RLIG1: variants seen among roughly 807,000 people sequenced by gnomAD.
RLIG1 encodes RNA 5'-phosphate and 3'-OH ligase 1.
chr12:88,049,468 G>A, the RLIG1 span: 24 of 909,550 alleles, frequency 2.6e-5, no homozygotes, highest in South Asian at 9.6e-5. Flanking sequence ...CATATTTTAC[G>A]TTTGAACAAG....
chr12:88,035,702 G>A, the RLIG1 span: 7 of 1,607,564 alleles, frequency 4.4e-6, no homozygotes, highest in Non-Finnish European at 5.9e-6. Context: ...TTGTGACGGA[G>A]GTGAAAGAGG....
the RLIG1 span, chr12:88,049,105 G>A: frequency 1.4e-5 from 11 of 781,244 alleles, no homozygotes; most frequent in Admixed American, 2.6e-5. Flanking sequence ...ACTACAGTTC[G>A]GAGAACTGCT....
At chr12:88,050,074 A>G in the RLIG1 span, 1 of 244,374 alleles carries the variant, frequency 4.1e-6, no homozygotes, top group African/African-American at 2.3e-5. Flanking sequence ...AAATAAAGAC[A>G]CTGTTGCCAA....
the RLIG1 span, chr12:88,035,860 C>T: frequency 2.6e-6 from 4 of 1,520,768 alleles, no homozygotes; most frequent in East Asian, 7.4e-5. Context: ...CCAGGAACCT[C>T]TGTAGGTTTC....
chr12:88,043,726 ATC>A, the RLIG1 span: 1 of 1,567,556 alleles, frequency 6.4e-7, no homozygotes, highest in East Asian at 2.3e-5. Context: ...GTATCATGAT[ATC>A]TCTTCTAGTG....
the RLIG1 span, among the ~76,000 whole-genome samples, chr12:88,037,431 A>G: frequency 6.6e-6 from 1 of 152,166 alleles, no homozygotes; most frequent in Non-Finnish European, 1.5e-5. Flanking sequence ...GGATATGTCG[A>G]TAGCAAAGAG....
the RLIG1 span, chr12:88,035,939 G>T: frequency 6.6e-7 from 1 of 1,522,718 alleles, no homozygotes; most frequent in Non-Finnish European, 8.8e-7. Flanking sequence ...TCTTAGTTGT[G>T]AGGGAGGGAA....
the RLIG1 span, chr12:88,043,930 A>G: frequency 7.4e-6 from 4 of 540,706 alleles, no homozygotes; most frequent in Non-Finnish European, 1.3e-5. Context: ...CTTTTCTAAG[A>G]TGGGCATTTT....
At chr12:88,042,662 T>C in the RLIG1 span, 10 of 420,336 alleles carry the variant, frequency 2.4e-5, no homozygotes, top group East Asian at 3.7e-4. Flanking sequence ...AGTCTTCTCA[T>C]AGCATCAGGT....
the RLIG1 span, chr12:88,035,629 C>T: frequency 6.3e-7 from 1 of 1,590,508 alleles, no homozygotes. Context: ...CCTCCATTCG[C>T]ACTGCTTGTT....
At chr12:88,047,032 G>T in the RLIG1 span, 1 of 1,436,034 alleles carries the variant, frequency 7.0e-7, no homozygotes. Context: ...CTACAATAGA[G>T]TAGAAGTGAC....
chr12:88,041,091 A>G, the RLIG1 span, among the ~76,000 whole-genome samples: 1 of 152,168 alleles, frequency 6.6e-6, no homozygotes, highest in Non-Finnish European at 1.5e-5. Context: ...AATGCTACCC[A>G]TGAAACAACT....
At chr12:88,048,300 A>C in the RLIG1 span, 2 of 1,602,882 alleles carry the variant, frequency 1.2e-6, no homozygotes, top group Non-Finnish European at 1.7e-6. Flanking sequence ...AAGACCAGTT[A>C]TTATCAACAT....
chr12:88,050,003 C>G, the RLIG1 span: 1 of 187,028 alleles, frequency 5.3e-6, no homozygotes, highest in African/African-American at 2.4e-5. Context: ...AGAGGTAAAA[C>G]AGCAAATATT....
the RLIG1 span, chr12:88,045,930 C>T: frequency 1.6e-6 from 1 of 627,094 alleles, no homozygotes; most frequent in Non-Finnish European, 2.7e-6. Context: ...GTTAACTTTA[C>T]ATTCACAGAG....
At chr12:88,040,175 G>A in the RLIG1 span, 9 of 1,609,946 alleles carry the variant, frequency 5.6e-6, no homozygotes, top group Middle Eastern at 8.2e-4. Flanking sequence ...AACTGAAACT[G>A]TAAGTCACAA....
At chr12:88,049,227 A>G in the RLIG1 span, 9 of 1,604,486 alleles carry the variant, frequency 5.6e-6, no homozygotes, top group Admixed American at 5.1e-5. Context: ...TTCATCTTCA[A>G]ACTCTTCAGA....
At chr12:88,042,941 T>C in the RLIG1 span, 2 of 1,458,354 alleles carry the variant, frequency 1.4e-6, no homozygotes, top group African/African-American at 2.9e-5. Flanking sequence ...TTTTAACTTT[T>C]CATGTTTAAA....
At chr12:88,046,983 G>A in the RLIG1 span, 1 of 1,594,390 alleles carries the variant, frequency 6.3e-7, no homozygotes, top group Non-Finnish European at 8.5e-7. Flanking sequence ...AAAGGTAATG[G>A]CAAAAATAGC....
Sources: allele counts gnomAD v4.1 joint callset (sites outside exome capture counted in the v4.1 genomes callset), GRCh38; gene constraint gnomAD v4.1.1; transcripts MANE v1.5; gene names NCBI Gene and HGNC (gene_info 2026-07-23, HGNC 2026-07-21).